Variants in HNRNPUL1 observed in about 807,000 individuals in gnomAD.
The protein encoded by HNRNPUL1 is heterogeneous nuclear ribonucleoprotein U like 1, also known as heterogeneous nuclear ribonucleoprotein U-like protein 1.
HNRNPUL1 carries 14 observed loss-of-function variants against 108.5 expected under a neutral mutation model. The observed-to-expected ratio is 0.13, with a 90% CI of 0.09 to 0.20. The LOEUF is 0.20. Ranked by LOEUF, HNRNPUL1 falls within the 10% of genes least tolerant of loss-of-function variation. The pLI is 1.00. For missense variants in HNRNPUL1, 804 were observed against 1,168.3 expected (o/e 0.69, Z 4.55); for synonymous variants, 422 against 445.2 (o/e 0.95, Z 0.66).
chr19:41,294,639 C>T lies in HNRNPUL1; in HGVS notation c.1471C>T (p.Leu491Phe). ...IQQATQCLNR[L>F]IQIAARKKRN... is the part of the protein sequence containing the mutation. ...GCAGGCCACCCAGTGCCTCAACCGC[C>T]TCATCCAGATTGCTGCCCGCAAGAA... Residue 491 changes from leucine (L) to phenylalanine (F), a missense_variant, in exon 10 of 15, where the codon CTC (leucine) becomes TTC (phenylalanine). Coordinates refer to ENST00000392006, the MANE Select transcript of HNRNPUL1 (RefSeq NM_007040.6). This position sits in a 1 kb window ranked among gnomAD's most constrained non-coding sequence, Gnocchi z 4.3. 1 of 1,614,208 alleles carries T rather than the reference C, an allele frequency of 6.2e-7. No individual in the cohort carries two copies. The highest frequency in any genetic ancestry group is 1.1e-5 in the South Asian group (1 of 91,084).
intron 7 of HNRNPUL1, among the ~76,000 whole-genome samples, chr19:41,289,865 A>G (rs2036481306): frequency 6.6e-6 from 1 of 151,986 alleles, no homozygotes; most frequent in Non-Finnish European, 1.5e-5. Context: ...GGCACTCGCC[A>G]CCATGACCAG....
intron 6 of HNRNPUL1, 49 bp downstream of exon 6, chr19:41,279,225 A>T: frequency 7.5e-7 from 1 of 1,325,684 alleles, no homozygotes; most frequent in Non-Finnish European, 1.1e-6. Flanking sequence ...GACTGTCCCT[A>T]CCCTTGGATT....
intron 5 of HNRNPUL1, among the ~76,000 whole-genome samples, chr19:41,277,300 T>C (rs1208795054): frequency 1.3e-5 from 2 of 152,070 alleles, no homozygotes; most frequent in East Asian, 3.9e-4. Context: ...ACCAAGCTCT[T>C]TACATGGATT....
rs1446032809 is a variant in HNRNPUL1 at position 41,281,232 on chromosome 19, A to G, written c.956A>G (p.Tyr319Cys). 1 of 1,614,188 alleles carries G rather than the reference A, an allele frequency of 6.2e-7. No individual in the cohort carries two copies. Residue 319 changes from tyrosine (Y) to cysteine (C), a missense_variant, in exon 7 of 15, where the codon TAC (tyrosine) becomes TGC (cysteine). This residue lies in a region of HNRNPUL1 where 174 missense variants were observed against 296.6 expected (regional missense o/e 0.59). Coordinates refer to ENST00000392006, the MANE Select transcript of HNRNPUL1 (RefSeq NM_007040.6). ...KKSTNSRFEN[Y>C]GDKFAENDVI... ...TCCACCAATAGCCGGTTTGAAAACTACGGAGACAAGTTTGCAGAGAACGAT... is the reference window on the plus strand; with the variant it reads ...TCCACCAATAGCCGGTTTGAAAACTGCGGAGACAAGTTTGCAGAGAACGAT...
chr19:41,295,468 A>G (rs540847007), intron 10 of HNRNPUL1, among the ~76,000 whole-genome samples: 1 of 152,364 alleles, frequency 6.6e-6, no homozygotes, highest in South Asian at 2.1e-4. Context: ...CCTGTCTCAG[A>G]GTAATGAGTT....
Position 41,302,952 on chromosome 19 carries a change from G to GA in HNRNPUL1, c.1972+4dup. 2.6e-6 allele frequency: 4 copies of GA among 1,522,450 alleles called. No homozygotes were observed. Among genetic ancestry groups the GA allele is most frequent in the Non-Finnish European group, 3.5e-6 (4 of 1,137,234 alleles). 94.3% of individuals were successfully genotyped at this position (1,522,450 alleles called of 1,614,324 possible). On this transcript the variant is annotated splice_donor_region_variant and intron_variant, in intron 12 of 14. Coordinates refer to ENST00000392006, the MANE Select transcript of HNRNPUL1 (RefSeq NM_007040.6). ...TGGAGGAGGCAACTACCGAGGAGGT[G>GA]AGACATCTCACACACAGCACTCTCC...
chr19:41,286,836 G>C (rs1209418413), intron 7 of HNRNPUL1: 1 of 145,342 alleles, frequency 6.9e-6, no homozygotes, highest in Non-Finnish European at 1.5e-5. Flanking sequence ...TCCTGCCTCT[G>C]CCTCCCAAGT....
At chr19:41,271,001 C>T (rs1005342793) in intron 2 of HNRNPUL1, among the ~76,000 whole-genome samples, 13 of 152,308 alleles carry the variant, frequency 8.5e-5, no homozygotes, top group African/African-American at 3.1e-4. Flanking sequence ...TAATAAGCAG[C>T]ATTCCTTATC....
intron 6 of HNRNPUL1, 25 bp downstream of exon 6, chr19:41,279,201 C>G (rs751793371): frequency 3.4e-6 from 5 of 1,491,070 alleles, no homozygotes; most frequent in Non-Finnish European, 4.7e-6. Flanking sequence ...GCTATGCAGT[C>G]CAGAGAATAG....
intron 12 of HNRNPUL1, among the ~76,000 whole-genome samples, chr19:41,303,350 A>AT (rs34393408): frequency 0.2 from 24,330 of 119,070 alleles, 3,061 homozygotes; most frequent in East Asian, 0.34. Context: ...GCTTCCTCTC[A>AT]TTTTTTTTTT....
intron 10 of HNRNPUL1, 150 bp from the exon 11 acceptor site, chr19:41,301,386 C>T: frequency 1.6e-6 from 1 of 624,634 alleles, no homozygotes; most frequent in South Asian, 2.4e-5. Flanking sequence ...CAAGAATCTT[C>T]TAAGTAAAGA....
intron 10 of HNRNPUL1, among the ~76,000 whole-genome samples, chr19:41,296,697 C>A (rs188002855): frequency 2.0e-5 from 3 of 152,316 alleles, no homozygotes; most frequent in African/African-American, 7.2e-5. Flanking sequence ...CCTGGCACTT[C>A]CATTCCACCA....
At chr19:41,268,625 G>A (rs2035009851) in intron 2 of HNRNPUL1, among the ~76,000 whole-genome samples, 1 of 151,990 alleles carries the variant, frequency 6.6e-6, no homozygotes, top group Non-Finnish European at 1.5e-5. Context: ...TTGGGAGGCC[G>A]AGGCAGGTGG....
At chr19:41,287,744 G>C (rs1459043669) in intron 7 of HNRNPUL1, among the ~76,000 whole-genome samples, 1 of 152,048 alleles carries the variant, frequency 6.6e-6, no homozygotes, top group African/African-American at 2.4e-5. Flanking sequence ...ATTTTTAGTA[G>C]AGTCGGGGTT....
At position 41,264,672 on chromosome 19, in the gene HNRNPUL1, C is replaced by A; in HGVS notation, c.169C>A (p.Pro57Thr). The change falls in exon 1 of 15, where the codon CCC (proline) becomes ACC (threonine). Residue 57 changes from proline to threonine, a missense_variant. Physicochemically the swap from Pro to Thr is conservative, Grantham distance 38. Coordinates refer to ENST00000392006, the MANE Select transcript of HNRNPUL1 (RefSeq NM_007040.6). ...CGACGCCGACGACGAACCGGGGCGA[C>A]CCGGGCACATCAACGAGGAGGTCGA... is the stretch of plus-strand genomic sequence containing the variant. ...ELDADDEPGR[P>T]GHINEEVETE... The A allele has an allele frequency of 6.3e-7, 1 of 1,579,316 alleles. No homozygotes were observed. The highest frequency in any genetic ancestry group is 2.3e-5 in the East Asian group (1 of 43,058).
upstream of HNRNPUL1, among the ~76,000 whole-genome samples, chr19:41,263,791 A>C (rs2034634065): frequency 6.6e-6 from 1 of 152,226 alleles, no homozygotes; most frequent in African/African-American, 2.4e-5. Flanking sequence ...GAGCTAAGAC[A>C]ATAACTGCGA....
rs61738510 is a variant in HNRNPUL1, at chr19:41,292,362, C to T, written c.1117C>T (p.Leu373=). 1 of 1,614,214 alleles carries T rather than the reference C, an allele frequency of 6.2e-7. No individual in the cohort carries two copies. Among genetic ancestry groups the T allele is most frequent in the African/African-American group, 1.3e-5 (1 of 75,048 alleles). ...GGGTCAGGCCCTCTATCCTCATGTC[C>T]TGGTGAAGAATTGCGCAGTGGAGTT... ...LGGQALYPHV[L]VKNCAVEFNF... is the part of the protein sequence containing the mutation. Residue 373 remains leucine (L), a synonymous_variant, in exon 8 of 15, where the codon CTG becomes TTG. Coordinates refer to ENST00000392006, the MANE Select transcript of HNRNPUL1 (RefSeq NM_007040.6). The surrounding 1 kb of genome is among the most constrained non-coding windows in gnomAD (Gnocchi z 4.1).
In HNRNPUL1 at chr19:41,292,006, ACT is replaced by A; in HGVS notation, c.1000-236_1000-235del. 4 of 521,814 alleles carry A rather than the reference ACT, an allele frequency of 7.7e-6. No homozygotes were observed. Among genetic ancestry groups the A allele is most frequent in the East Asian group, 3.3e-5 (1 of 30,252 alleles). 32.3% of individuals were successfully genotyped at this position (521,814 alleles called of 1,614,324 possible). ...AAAAAAAAAAAAACAAAAAAAAAAA[ACT>A]CTTGCTTACTTGCTTCATATCCACC... is the stretch of plus-strand genomic sequence containing the variant. On this transcript the variant is annotated intron_variant, in intron 7 of 14. Transcript: ENST00000392006. This position sits in a 1 kb window ranked among gnomAD's most constrained non-coding sequence, Gnocchi z 4.1.
chr19:41,291,789 C>G (rs2036587300), intron 7 of HNRNPUL1: 1 of 163,892 alleles, frequency 6.1e-6, no homozygotes, highest in Non-Finnish European at 1.3e-5. Flanking sequence ...TCAAGACCAG[C>G]CTGGGCAACA....
Sources: allele counts gnomAD v4.1 joint callset (sites outside exome capture counted in the v4.1 genomes callset), GRCh38; gene constraint gnomAD v4.1.1; regional missense constraint gnomAD v4.1.1; non-coding constraint Gnocchi (gnomAD v3.1); transcripts MANE v1.5; gene names NCBI Gene and HGNC (gene_info 2026-07-23, HGNC 2026-07-21).